The following SREK1 variants were observed in gnomAD, a reference collection of about 807,000 sequenced individuals.
The protein encoded by SREK1 is splicing regulatory glutamic acid and lysine rich protein 1, also known as splicing regulatory glutamine/lysine-rich protein 1.
Under a neutral mutation model 66.5 loss-of-function variants are expected in SREK1, and 13 were observed. The observed-to-expected ratio is 0.20, with a 90% CI of 0.13 to 0.31. The LOEUF (loss-of-function observed/expected upper bound fraction) is 0.31, where lower values mean the gene tolerates loss of function less well. Ranked by LOEUF, SREK1 falls within the 10% of genes least tolerant of loss-of-function variation. SREK1 has a pLI of 1.00. For missense variants in SREK1, 607 were observed against 769.6 expected, an observed-to-expected ratio of 0.79 and a Z score of 2.50; for synonymous variants, 265 against 263.5, an observed-to-expected ratio of 1.01 and a Z score of -0.05.
intron 5 of SREK1, 125 bp from the exon 6 acceptor site, chr5:66,163,667 G>C: frequency 1.2e-6 from 1 of 816,194 alleles, no homozygotes; most frequent in Non-Finnish European, 1.7e-6. Context: ...TGGTTATTCT[G>C]TATATCATTC....
At chr5:66,144,621 G>T (rs1204370006) in intron 1 of SREK1, 84 bp downstream of exon 1, 2 of 1,466,290 alleles carry the variant, frequency 1.4e-6, no homozygotes, top group Admixed American at 2.6e-5. Context: ...GCGCGGACGC[G>T]GGCGCGCGGT....
Position 66,144,553 on chromosome 5 carries a change from C to T in SREK1, c.161+16C>T, listed in dbSNP as rs765122599. 11 of 1,543,636 alleles carry T rather than the reference C, an allele frequency of 7.1e-6. No individual in the cohort carries two copies. The highest frequency in any genetic ancestry group is 6.0e-5 in the South Asian group (5 of 83,608). ...ACCCCCCGGAGTAAGTGCTGGAGCTCGGCTGGGGGAGGGGCGCGGGCGCCA... is the reference window on the plus strand; with the variant it reads ...ACCCCCCGGAGTAAGTGCTGGAGCTTGGCTGGGGGAGGGGCGCGGGCGCCA... On this transcript the variant is annotated intron_variant, in intron 1 of 11. Transcript: ENST00000334121.
intron 7 of SREK1, chr5:66,167,571 G>A (rs1305255905): frequency 6.6e-6 from 1 of 152,098 alleles, no homozygotes; most frequent in African/African-American, 2.4e-5. Flanking sequence ...ACTACTTCTA[G>A]CATTCTTAAT....
At chr5:66,153,337 A>G (rs1239787380) in intron 1 of SREK1, 126 bp from the exon 2 acceptor site, 7 of 1,229,938 alleles carry the variant, frequency 5.7e-6, no homozygotes, top group Non-Finnish European at 7.9e-6. Flanking sequence ...ATGATCCTTA[A>G]TAACAAAAAG....
intron 9 of SREK1, among the ~76,000 whole-genome samples, chr5:66,171,932 C>T (rs970142330): frequency 3.9e-5 from 6 of 152,162 alleles, no homozygotes; most frequent in Admixed American, 1.3e-4. Flanking sequence ...AGGAAGCTGA[C>T]GCTCTGTATG....
At chr5:66,162,021 A>C in intron 3 of SREK1, 88 bp from the exon 4 acceptor site, 1 of 1,461,294 alleles carries the variant, frequency 6.8e-7, no homozygotes, top group Admixed American at 2.3e-5. Flanking sequence ...TTGTTGAGTT[A>C]GTTCATTCTT....
intron 4 of SREK1, 27 bp from the exon 5 acceptor site, chr5:66,162,387 T>C: frequency 1.2e-6 from 2 of 1,610,726 alleles, no homozygotes; most frequent in Non-Finnish European, 1.7e-6. Context: ...GGATATATTT[T>C]ATCAAAGTGT....
intron 1 of SREK1, among the ~76,000 whole-genome samples, chr5:66,151,715 C>A (rs1382496729): frequency 2.0e-5 from 3 of 151,492 alleles, no homozygotes; most frequent in Non-Finnish European, 4.4e-5. Context: ...AGTGTCAGTA[C>A]ACAAGTTGCT....
chr5:66,150,489 G>A (rs1743695147), intron 1 of SREK1, among the ~76,000 whole-genome samples: 3 of 152,218 alleles, frequency 2.0e-5, no homozygotes, highest in Non-Finnish European at 4.4e-5. Flanking sequence ...CCATGACGAG[G>A]CAAGAACAGA....
intron 3 of SREK1, among the ~76,000 whole-genome samples, chr5:66,160,588 AAG>A (rs1263113255): frequency 1.3e-5 from 2 of 152,116 alleles, no homozygotes; most frequent in African/African-American, 2.4e-5. Flanking sequence ...AGACCATGGA[AAG>A]AGGGGTTTGA....
Position 66,144,413 on chromosome 5 carries a change from T to G in SREK1, c.37T>G (p.Phe13Val). The G allele has an allele frequency of 1.3e-6, 2 of 1,551,392 alleles. No individual in the cohort carries two copies. Among genetic ancestry groups the G allele is most frequent in the Non-Finnish European group, 1.7e-6 (2 of 1,146,832 alleles). Residue 13 changes from phenylalanine (F) to valine (V), a missense_variant, in exon 1 of 12, where the codon TTC (phenylalanine) becomes GTC (valine). Around this residue, in one of 5 missense-constraint regions of SREK1, gnomAD observed 75 missense variants for 72.9 expected, o/e 1.03. Coordinates refer to ENST00000334121, the MANE Select transcript of SREK1 (RefSeq NM_001077199.3). ...SGGGFGLGLG[F>V]GLTPTSVIQV... ...CGGCGGCTTCGGTTTGGGCTTAGGC[T>G]TCGGCCTCACCCCCACGTCGGTGAT...
At chr5:66,157,408 T>G in intron 2 of SREK1, 2 of 984,748 alleles carry the variant, frequency 2.0e-6, no homozygotes, top group Non-Finnish European at 2.4e-6. Flanking sequence ...AGATTAGAAC[T>G]CTGAGTTTCC....
In SREK1 at chr5:66,163,832, A is replaced by T; in HGVS notation, c.796A>T (p.Met266Leu). 1 of 1,613,744 alleles carries T rather than the reference A, an allele frequency of 6.2e-7. No homozygotes were observed. Residue 266 changes from methionine to leucine, a missense_variant, in exon 6 of 12, where the codon ATG becomes TTG. By Grantham distance (15) the Met-to-Leu change is conservative. This residue lies in a region of SREK1 where 112 missense variants were observed against 168.6 expected (regional missense o/e 0.66). Transcript: ENST00000334121. ...CAATGCAATAGTAAAACCCCCTGAGATGACACCTCAGGCTGCAGCTAAGGA... is the reference window on the plus strand; with the variant it reads ...CAATGCAATAGTAAAACCCCCTGAGTTGACACCTCAGGCTGCAGCTAAGGA... ...SNNAIVKPPEMTPQAAAKELE... is the reference protein window; with the variant it reads ...SNNAIVKPPELTPQAAAKELE...
chr5:66,146,246 T>C (rs1397664898), intron 1 of SREK1, among the ~76,000 whole-genome samples: 1 of 152,122 alleles, frequency 6.6e-6, no homozygotes, highest in African/African-American at 2.4e-5. Flanking sequence ...GTAAAATACT[T>C]TGTACATGAA....
Position 66,144,303 on chromosome 5 carries a change from C to T in SREK1, c.-74C>T, listed in dbSNP as rs1485375967. On this transcript the variant is annotated 5_prime_UTR_variant, in exon 1 of 12. Coordinates refer to ENST00000334121, the MANE Select transcript of SREK1 (RefSeq NM_001077199.3). ...GGGAGCGCGCTCGCGGCCGCGCGTT[C>T]TCCGCTTTCCCGGCTCCGTCGCTGA... 14 of 1,282,160 alleles carry T rather than the reference C, an allele frequency of 1.1e-5. No homozygotes were observed. The highest frequency in any genetic ancestry group is 5.3e-5 in the Admixed American group (2 of 37,790). 79.4% of individuals were successfully genotyped at this position (1,282,160 alleles called of 1,614,324 possible).
rs1158895431 is a variant in SREK1, at chr5:66,183,425, C to A, written c.*4557C>A. The A allele has an allele frequency of 7.2e-6, 1 of 138,390 alleles. No homozygotes were observed. Among genetic ancestry groups the A allele is most frequent in the Non-Finnish European group, 1.6e-5 (1 of 62,098 alleles). 8.6% of individuals were successfully genotyped at this position (138,390 alleles called of 1,614,324 possible). A position where few individuals can be genotyped will look rare whatever the true frequency, so the allele number is the denominator to read the frequency against. ...CAACTTAATGCTTAAAAAATTACCT[C>A]CTTAATGATTAGATTAATAGAACAG... On this transcript the variant is annotated 3_prime_UTR_variant, in exon 12 of 12. Transcript: ENST00000334121.
rs1305286891 is a variant in SREK1 at position 66,183,120 on chromosome 5, T to TG, written c.*4255dup. Reference sequence around the variant, plus strand: ...TTTTAATTTTAAAATTGCCAACTTTTGGGAGATTTCACATATTTTACCTCT... The same window carrying TG: ...TTTTAATTTTAAAATTGCCAACTTTTGGGGAGATTTCACATATTTTACCTCT... On this transcript the variant is annotated 3_prime_UTR_variant, in exon 12 of 12. Coordinates refer to ENST00000334121, the MANE Select transcript of SREK1 (RefSeq NM_001077199.3). 1 of 152,218 alleles carries TG rather than the reference T, an allele frequency of 6.6e-6. No individual in the cohort carries two copies. Among genetic ancestry groups the TG allele is most frequent in the African/African-American group, 2.4e-5 (1 of 41,468 alleles). The allele number at this position is 152,218 out of a possible 1,614,324, so 9.4% of individuals were successfully genotyped here.
At chr5:66,170,511 T>G in intron 8 of SREK1, 74 bp from the exon 9 acceptor site, 2 of 1,496,694 alleles carry the variant, frequency 1.3e-6, no homozygotes, top group Admixed American at 4.5e-5. Flanking sequence ...TTGGTAATTG[T>G]TGAAGAGAGA....
intron 7 of SREK1, chr5:66,169,676 T>TA (rs138677001): frequency 0.012 from 1,906 of 153,300 alleles, 43 homozygotes; most frequent in African/African-American, 0.043. Context: ...TTTTGTTTGT[T>TA]ATGACAGACA....
Sources: allele counts gnomAD v4.1 joint callset (sites outside exome capture counted in the v4.1 genomes callset), GRCh38; gene constraint gnomAD v4.1.1; regional missense constraint gnomAD v4.1.1; transcripts MANE v1.5; gene names NCBI Gene and HGNC (gene_info 2026-07-23, HGNC 2026-07-21).